Variants in CPEB1 observed in about 807,000 individuals in gnomAD.
The protein encoded by CPEB1 is cytoplasmic polyadenylation element-binding protein 1.
CPEB1 carries 7 observed loss-of-function variants against 65.8 expected under a neutral mutation model. That is an observed-to-expected ratio of 0.11 (90% CI 0.06 to 0.20). The LOEUF (loss-of-function observed/expected upper bound fraction) is 0.20. Ranked by LOEUF, CPEB1 falls within the 10% of genes least tolerant of loss-of-function variation. The pLI, the probability that CPEB1 is intolerant of heterozygous loss-of-function variation, is 1.00. For missense variants in CPEB1, 551 were observed against 712.2 expected, an observed-to-expected ratio of 0.77 and a Z score of 2.58; for synonymous variants, 262 against 260.0, an observed-to-expected ratio of 1.01 and a Z score of -0.08.
At chr15:82,591,162 C>A (rs942934083) in intron 3 of CPEB1, among the ~76,000 whole-genome samples, 2 of 152,286 alleles carry the variant, frequency 1.3e-5, no homozygotes, top group South Asian at 2.1e-4. Flanking sequence ...TTTTCCCCCC[C>A]GCCACAATCT....
chr15:82,547,290 T>A (rs1034064023), intron 10 of CPEB1, 53 bp from the exon 11 acceptor site: 159 of 49,170 alleles, frequency 3.2e-3, no homozygotes, highest in Middle Eastern at 7.0e-3. Context: ...CAAATGCTAC[T>A]TTTTTTTTTT....
At chr15:82,595,672 A>C (rs993272230) in intron 3 of CPEB1, among the ~76,000 whole-genome samples, 1 of 152,266 alleles carries the variant, frequency 6.6e-6, no homozygotes. Context: ...GTAAAGTAAA[A>C]TAAGCATTTA....
At chr15:82,594,245 A>G (rs1371871208) in intron 3 of CPEB1, among the ~76,000 whole-genome samples, 1 of 152,216 alleles carries the variant, frequency 6.6e-6, no homozygotes, top group East Asian at 1.9e-4. Flanking sequence ...CATCTTACCA[A>G]TGATCTTAGC....
chr15:82,630,004 A>G (rs1231990031), intron 1 of CPEB1: 2 of 985,312 alleles, frequency 2.0e-6, no homozygotes, highest in Non-Finnish European at 2.4e-6. Context: ...GCCATTGAGA[A>G]CTGTTAAATC....
Position 82,571,878 on chromosome 15 carries a change from G to C in CPEB1, c.272-346C>G, listed in dbSNP as rs537004154. Reference sequence around the variant, plus strand: ...CTCACAGAACGGGGGAGGAGCAGGAGGGGACGACAGGGAGGAGACTTGCCT... The same window carrying C: ...CTCACAGAACGGGGGAGGAGCAGGACGGGACGACAGGGAGGAGACTTGCCT... On this transcript the variant is annotated intron_variant, in intron 3 of 12. Transcript: ENST00000684509. The C allele has an allele frequency of 1.2e-5, 13 of 1,054,480 alleles. 1 individual carries two copies. The South Asian group carries it at 5.2e-4, about 42-fold the overall frequency. The allele number at this position is 1,054,480 out of a possible 1,614,324, so 65.3% of individuals were successfully genotyped here.
At chr15:82,574,907 A>G (rs2040489660) in intron 3 of CPEB1, among the ~76,000 whole-genome samples, 1 of 152,130 alleles carries the variant, frequency 6.6e-6, no homozygotes, top group Non-Finnish European at 1.5e-5. Flanking sequence ...ATTTAAATAC[A>G]TCTAATTTAC....
chr15:82,604,262 T>A (rs1011307988), intron 3 of CPEB1, among the ~76,000 whole-genome samples: 4 of 152,022 alleles, frequency 2.6e-5, no homozygotes, highest in Non-Finnish European at 4.4e-5. Context: ...GGCAGGCGGA[T>A]CACAAGGTCA....
In CPEB1 at chr15:82,545,160, C is replaced by A. The variant is rs572545525; in HGVS notation, c.1657-458G>T. 2.6e-5 allele frequency among the ~76,000 whole-genome samples: 4 copies of A among 152,326 alleles called. No individual in the cohort carries two copies. The South Asian group carries it at 8.3e-4, about 32-fold the overall frequency. The stretch of plus-strand genomic sequence containing the variant: ...TGGGTTTCTCAGTCTAGTCCCATCT[C>A]TTGGTTGCTGTGTAACGTCAGGCAA... On this transcript the variant is annotated intron_variant, in intron 12 of 12. Transcript: ENST00000684509.
chr15:82,556,797 C>T (rs778133476), intron 5 of CPEB1, among the ~76,000 whole-genome samples: 2 of 152,248 alleles, frequency 1.3e-5, no homozygotes, highest in Admixed American at 6.5e-5. Context: ...CAAAGAGACC[C>T]GCATGTGACT....
chr15:82,550,072 G>A (rs1450009335), intron 9 of CPEB1, among the ~76,000 whole-genome samples: 1 of 152,168 alleles, frequency 6.6e-6, no homozygotes, highest in Non-Finnish European at 1.5e-5. Flanking sequence ...TAAAGGCTAG[G>A]ATCCTGAAGG....
Position 82,627,282 on chromosome 15 carries a change from C to A in CPEB1, c.182G>T (p.Arg61Leu). ...LSTCSNANIF[R>L]RINAILDNSL... ...ATTATCCAATATGGCATTTATCCTT[C>A]GAAAGATATTGGCATTACTACACGT... is the stretch of plus-strand genomic sequence containing the variant. Residue 61 changes from arginine (R) to leucine (L), a missense_variant, in exon 3 of 13, where the codon CGA becomes CTA. By Grantham distance (102) the Arg-to-Leu change is moderately radical. Around this residue, in one of 6 missense-constraint regions of CPEB1, gnomAD observed 223 missense variants for 228.6 expected, o/e 0.98. Transcript: ENST00000684509. 3 of 1,613,644 alleles carry A rather than the reference C, an allele frequency of 1.9e-6. No homozygotes were observed. The highest frequency in any genetic ancestry group is 2.5e-6 in the Non-Finnish European group (3 of 1,179,644).
chr15:82,578,057 G>A (rs1374025758), intron 3 of CPEB1, among the ~76,000 whole-genome samples: 2 of 152,030 alleles, frequency 1.3e-5, no homozygotes, highest in African/African-American at 2.4e-5. Context: ...GAAGAATGGC[G>A]TGAACCCAGG....
At chr15:82,644,764 AG>A (rs1309917604) in intron 1 of CPEB1, among the ~76,000 whole-genome samples, 1 of 152,200 alleles carries the variant, frequency 6.6e-6, no homozygotes, top group Admixed American at 6.5e-5. Context: ...TGGCCCCTAT[AG>A]GGTTTGAGTT....
intron 3 of CPEB1, among the ~76,000 whole-genome samples, chr15:82,616,114 A>G (rs911505977): frequency 2.0e-5 from 3 of 152,088 alleles, no homozygotes; most frequent in Non-Finnish European, 4.4e-5. Context: ...ATAATGTCAT[A>G]TTCTTTGCAT....
intron 2 of CPEB1, 51 bp from the exon 3 acceptor site, chr15:82,627,418 C>A: frequency 1.4e-6 from 2 of 1,380,854 alleles, no homozygotes; most frequent in East Asian, 4.8e-5. Flanking sequence ...CCTTTATGAC[C>A]CCCTTTCTCT....
intron 1 of CPEB1, among the ~76,000 whole-genome samples, chr15:82,635,394 T>G (rs1188290724): frequency 6.6e-6 from 1 of 152,198 alleles, no homozygotes; most frequent in Non-Finnish European, 1.5e-5. Context: ...ACCAGCTCAC[T>G]CAAAGCCAGA....
chr15:82,565,826 G>T (rs2151019957), intron 4 of CPEB1, among the ~76,000 whole-genome samples: 1 of 152,276 alleles, frequency 6.6e-6, no homozygotes, highest in Non-Finnish European at 1.5e-5. Context: ...CAAGTGTCCA[G>T]CAAATTCCTA....
rs1206392622 is a variant in CPEB1, at chr15:82,557,774, G to T, written c.673C>A (p.Leu225Ile). The part of the protein sequence containing the change: ...TSGFSSGSDH[L>I]SDLISSLRIS... ...GAGTTACATACAATCAAATCTGAGAGATGATCTGATCCAGAGCTGAAGCCA... is the reference window on the plus strand; with the variant it reads ...GAGTTACATACAATCAAATCTGAGATATGATCTGATCCAGAGCTGAAGCCA... The change falls in exon 5 of 13, where the codon CTC (leucine) becomes ATC (isoleucine). Residue 225 changes from leucine to isoleucine, a missense_variant. Around this residue, in one of 6 missense-constraint regions of CPEB1, gnomAD observed 128 missense variants for 129.1 expected, o/e 0.99. Transcript: ENST00000684509. 1.9e-6 allele frequency: 3 copies of T among 1,613,680 alleles called. No individual in the cohort carries two copies. The highest frequency in any genetic ancestry group is 2.5e-6 in the Non-Finnish European group (3 of 1,179,800).
chr15:82,633,327 ATC>A (rs1313982472), intron 1 of CPEB1: 3 of 152,270 alleles, frequency 2.0e-5, no homozygotes, highest in African/African-American at 7.2e-5. Flanking sequence ...AGTTCTACCT[ATC>A]TACCTATTGT....
Sources: gnomAD v4.1 joint callset for allele counts (sites outside exome capture counted in the v4.1 genomes callset) on GRCh38, gnomAD v4.1.1 for gene constraint, gnomAD v4.1.1 regional missense constraint, MANE v1.5 for transcripts, NCBI Gene and HGNC (gene_info 2026-07-23, HGNC 2026-07-21) for gene names.